The following ZNF609 variants were observed in gnomAD, a reference collection of about 807,000 sequenced individuals.
ZNF609 encodes the protein zinc finger protein 609.
ZNF609 carries 11 observed loss-of-function variants against 109.5 expected under a neutral mutation model. That is an observed-to-expected ratio of 0.10 (90% confidence interval 0.06 to 0.17). The LOEUF is 0.17. Ranked by LOEUF, ZNF609 falls within the 10% of genes least tolerant of loss-of-function variation. The pLI is 1.00. For synonymous variants in ZNF609, 646 were observed against 662.0 expected (o/e 0.98, Z 0.37); for missense variants, 1,559 against 1,772.4 (o/e 0.88, Z 2.16).
At chr15:64,634,242 ACT>A (rs552455310) in intron 3 of ZNF609, among the ~76,000 whole-genome samples, 1 of 151,806 alleles carries the variant, frequency 6.6e-6, no homozygotes, top group African/African-American at 2.4e-5. Flanking sequence ...CCTACTTCAA[ACT>A]CTGTGGTTGA....
intron 1 of ZNF609, among the ~76,000 whole-genome samples, chr15:64,464,896 G>A (rs530720839): frequency 5.3e-5 from 8 of 152,344 alleles, no homozygotes; most frequent in South Asian, 2.1e-4. Context: ...TTGGTCTTCC[G>A]TGGGTTAGAT....
intron 1 of ZNF609, among the ~76,000 whole-genome samples, chr15:64,475,576 C>T (rs1039948608): frequency 6.6e-6 from 1 of 151,574 alleles, no homozygotes; most frequent in Non-Finnish European, 1.5e-5. Context: ...TTAGTAGAGA[C>T]GGGGTTGAGT....
Position 64,460,853 on chromosome 15 carries a change from T to G in ZNF609, c.-128+15T>G, listed in dbSNP as rs1420622026. ...CCGGCCGCGCGGTGAGTCCGGAGCT[T>G]TGTGTGGAGCCGGGACTGGGGGAGG... On this transcript the variant is annotated intron_variant, in intron 1 of 9. Coordinates refer to ENST00000326648, the MANE Select transcript of ZNF609 (RefSeq NM_015042.2). The G allele has an allele frequency of 7.0e-6, 1 of 142,750 alleles. No individual in the cohort carries two copies. Among genetic ancestry groups the G allele is most frequent in the African/African-American group, 2.6e-5 (1 of 38,502 alleles). The allele number at this position is 142,750 out of a possible 1,614,324, so 8.8% of individuals were successfully genotyped here. A position where few individuals can be genotyped will look rare whatever the true frequency, so the allele number is the denominator to read the frequency against.
At chr15:64,465,414 T>C (rs1651086601) in intron 1 of ZNF609, among the ~76,000 whole-genome samples, 1 of 152,154 alleles carries the variant, frequency 6.6e-6, no homozygotes, top group South Asian at 2.1e-4. Flanking sequence ...GGAGTTTCGC[T>C]CCTGTGGCCC....
intron 2 of ZNF609, among the ~76,000 whole-genome samples, chr15:64,588,412 A>G (rs1434793594): frequency 8.0e-6 from 1 of 125,306 alleles, no homozygotes; most frequent in Non-Finnish European, 1.6e-5. Context: ...TGCGTAACAG[A>G]GCGACACTCT....
intron 2 of ZNF609, among the ~76,000 whole-genome samples, chr15:64,616,286 A>G (rs1171014934): frequency 6.6e-6 from 1 of 151,550 alleles, no homozygotes; most frequent in Non-Finnish European, 1.5e-5. Context: ...AAACCATCAC[A>G]TTTGGCCTTC....
intron 2 of ZNF609, among the ~76,000 whole-genome samples, chr15:64,561,348 T>C (rs1376675228): frequency 6.6e-6 from 1 of 152,174 alleles, no homozygotes; most frequent in African/African-American, 2.4e-5. Context: ...TCTCTACTGA[T>C]TACTTGAGTC....
chr15:64,596,244 C>T (rs1895396773), intron 2 of ZNF609, among the ~76,000 whole-genome samples: 1 of 152,128 alleles, frequency 6.6e-6, no homozygotes, highest in South Asian at 2.1e-4. Context: ...CCCTCTGCCT[C>T]TCAGGTTCAA....
intron 3 of ZNF609, among the ~76,000 whole-genome samples, chr15:64,639,961 C>T (rs994882561): frequency 6.6e-6 from 1 of 152,038 alleles, no homozygotes. Flanking sequence ...TTTCTGTCGC[C>T]CAGGCTGGAT....
At chr15:64,619,523 T>G (rs372874661) in intron 2 of ZNF609, among the ~76,000 whole-genome samples, 61 of 152,334 alleles carry the variant, frequency 4.0e-4, no homozygotes, top group African/African-American at 1.3e-3. Flanking sequence ...CTGTGATCTC[T>G]CCTTAGATTT....
intron 2 of ZNF609, among the ~76,000 whole-genome samples, chr15:64,547,891 G>A (rs1395938013): frequency 6.6e-6 from 1 of 152,092 alleles, no homozygotes; most frequent in Non-Finnish European, 1.5e-5. Context: ...AGGAGGACGG[G>A]GGTGTAGAGA....
chr15:64,465,190 T>C (rs907230331), intron 1 of ZNF609, among the ~76,000 whole-genome samples: 2 of 152,234 alleles, frequency 1.3e-5, no homozygotes, highest in African/African-American at 4.8e-5. Context: ...TTCAGTATGG[T>C]GAAAAAGATT....
intron 2 of ZNF609, among the ~76,000 whole-genome samples, chr15:64,510,110 CAA>C (rs1294822605): frequency 6.6e-6 from 1 of 151,872 alleles, no homozygotes; most frequent in East Asian, 1.9e-4. Context: ...CACATCATCA[CAA>C]AGAGGGTGAG....
intron 2 of ZNF609, among the ~76,000 whole-genome samples, chr15:64,609,094 TTC>T (rs1487680132): frequency 8.9e-5 from 3 of 33,614 alleles, no homozygotes; most frequent in Admixed American, 4.2e-4. Flanking sequence ...CTTTCTTTCT[TTC>T]TTTCTTTCTT....
In ZNF609 at chr15:64,638,034, CAT is replaced by C. The variant is rs35928856; in HGVS notation, c.973+14995_973+14996del. On this transcript the variant is annotated intron_variant, in intron 3 of 9. Coordinates refer to ENST00000326648, the MANE Select transcript of ZNF609 (RefSeq NM_015042.2). ...TATATATAAAATATATATAAAAATACATATATATATATATGTATTTACATCCA... is the reference window on the plus strand; with the variant it reads ...TATATATAAAATATATATAAAAATACATATATATATATGTATTTACATCCA... Among the ~76,000 whole-genome samples the C allele has an allele frequency of 6.0e-4, 80 of 133,926 alleles. 1 individual carries two copies. Among genetic ancestry groups the C allele is most frequent in the African/African-American group, 1.6e-3 (59 of 37,498 alleles). 87.9% of individuals were successfully genotyped at this position (133,926 alleles called of 152,430 possible).
chr15:64,642,558 C>A (rs1227850558), intron 3 of ZNF609, among the ~76,000 whole-genome samples: 2 of 152,078 alleles, frequency 1.3e-5, no homozygotes, highest in African/African-American at 4.8e-5. Context: ...ATTTGGGAGG[C>A]CAAGGTGGGA....
chr15:64,628,611 G>A (rs1295480252), intron 3 of ZNF609, among the ~76,000 whole-genome samples: 1 of 152,088 alleles, frequency 6.6e-6, no homozygotes, highest in African/African-American at 2.4e-5. Flanking sequence ...ATATGCGGCT[G>A]TCTGTAGAAC....
At chr15:64,582,896 C>T (rs1317922372) in intron 2 of ZNF609, among the ~76,000 whole-genome samples, 1 of 151,052 alleles carries the variant, frequency 6.6e-6, no homozygotes, top group African/African-American at 2.4e-5. Context: ...GGACTACAGG[C>T]GCCCGCCATC....
chr15:64,600,462 A>AG (rs905722188), intron 2 of ZNF609, among the ~76,000 whole-genome samples: 3 of 146,722 alleles, frequency 2.0e-5, no homozygotes, highest in Non-Finnish European at 4.5e-5. Context: ...AAAAAAAAAA[A>AG]AAAAGAAAAA....
Sources: gnomAD v4.1 joint callset for allele counts (sites outside exome capture counted in the v4.1 genomes callset) on GRCh38, gnomAD v4.1.1 for gene constraint, MANE v1.5 for transcripts, NCBI Gene and HGNC (gene_info 2026-07-23, HGNC 2026-07-21) for gene names.